Variants in SIAE observed in about 807,000 individuals in gnomAD.
SIAE encodes sialic acid acetylesterase.
Under a neutral mutation model 52.6 loss-of-function variants are expected in SIAE, and 39 were observed. That is an observed-to-expected ratio of 0.74 (90% CI 0.57 to 0.97). The LOEUF is 0.97. SIAE is among the 50% of genes least tolerant of loss of function. The pLI, the probability that SIAE is intolerant of heterozygous loss-of-function variation, is 0.00. For missense variants in SIAE, 592 were observed against 662.1 expected, an observed-to-expected ratio of 0.89 and a Z score of 1.16; for synonymous variants, 233 against 241.4, an observed-to-expected ratio of 0.97 and a Z score of 0.32.
At chr11:124,673,077 A>G (rs915275815) in intron 1 of SIAE, among the ~76,000 whole-genome samples, 1 of 152,136 alleles carries the variant, frequency 6.6e-6, no homozygotes, top group Non-Finnish European at 1.5e-5. Flanking sequence ...CCCACCACCA[A>G]TATCTGTAAG....
At chr11:124,660,839 T>C in intron 2 of SIAE, 36 bp from the exon 3 acceptor site, 1 of 1,609,118 alleles carries the variant, frequency 6.2e-7, no homozygotes, top group Non-Finnish European at 8.5e-7. Flanking sequence ...AATTAATCAA[T>C]CAATTAAAGT....
intron 3 of SIAE, 26 bp downstream of exon 3, chr11:124,660,602 A>G (rs765721181): frequency 6.2e-7 from 1 of 1,612,292 alleles, no homozygotes; most frequent in South Asian, 1.1e-5. Flanking sequence ...AACACTGTGT[A>G]TTATTGCTGA....
intron 3 of SIAE, among the ~76,000 whole-genome samples, chr11:124,654,994 T>C (rs923114710): frequency 6.6e-6 from 1 of 151,900 alleles, no homozygotes; most frequent in Non-Finnish European, 1.5e-5. Context: ...CCAAAGAGGG[T>C]AGAAATATAA....
intron 1 of SIAE, among the ~76,000 whole-genome samples, chr11:124,673,015 C>T (rs919983945): frequency 2.6e-5 from 4 of 152,160 alleles, no homozygotes; most frequent in Non-Finnish European, 5.9e-5. Context: ...AAGATCTGAC[C>T]TGCGCAACAG....
At chr11:124,649,070 G>A (rs949173068) in intron 5 of SIAE, among the ~76,000 whole-genome samples, 1 of 152,100 alleles carries the variant, frequency 6.6e-6, no homozygotes, top group Non-Finnish European at 1.5e-5. Flanking sequence ...TCCTAAGCAG[G>A]TGTTCATAAT....
At chr11:124,652,212 C>T (rs1378080791) in intron 4 of SIAE, among the ~76,000 whole-genome samples, 1 of 152,104 alleles carries the variant, frequency 6.6e-6, no homozygotes, top group Non-Finnish European at 1.5e-5. Flanking sequence ...AAGACGTCGA[C>T]ACACTCATCC....
At chr11:124,653,235 CT>C (rs1943042650) in intron 4 of SIAE, among the ~76,000 whole-genome samples, 1 of 152,178 alleles carries the variant, frequency 6.6e-6, no homozygotes, top group Admixed American at 6.5e-5. Flanking sequence ...GTCAGGTATT[CT>C]TGCCTGTTTT....
chr11:124,660,298 A>T (rs1943167160), intron 3 of SIAE: 1 of 140,348 alleles, frequency 7.1e-6, no homozygotes. Context: ...CTCAAAAAAG[A>T]AAAAAAAAAA....
In SIAE at chr11:124,636,938, C is replaced by T. The variant is rs768225164; in HGVS notation, c.*13G>A. 1.9e-6 allele frequency: 3 copies of T among 1,614,122 alleles called. No individual in the cohort carries two copies. Among genetic ancestry groups the T allele is most frequent in the Non-Finnish European group, 1.7e-6 (2 of 1,180,034 alleles). ...CCCATCCTTATATCTAAGTTCTGAT[C>T]ATACTGAAACAGTCATTTAGCAACA... On this transcript the variant is annotated 3_prime_UTR_variant, in exon 10 of 10. Coordinates refer to ENST00000263593, the MANE Select transcript of SIAE (RefSeq NM_170601.5).
rs1248790972 is a variant in SIAE, at chr11:124,634,701, C to T, written c.*2250G>A. On this transcript the variant is annotated 3_prime_UTR_variant, in exon 10 of 10. Coordinates refer to ENST00000263593, the MANE Select transcript of SIAE (RefSeq NM_170601.5). ...AAATTGGTTAAATAAAATGAGGCTT[C>T]CACAAACTGAAACACTCTAAATCTA... is the stretch of plus-strand genomic sequence containing the variant. The T allele has an allele frequency of 6.6e-6, 1 of 152,012 alleles. No individual in the cohort carries two copies. Among genetic ancestry groups the T allele is most frequent in the Non-Finnish European group, 1.5e-5 (1 of 68,004 alleles). The allele number at this position is 152,012 out of a possible 1,614,324, so 9.4% of individuals were successfully genotyped here. A position where few individuals can be genotyped will look rare whatever the true frequency, so the allele number is the denominator to read the frequency against.
chr11:124,647,326 G>A lies in SIAE; in HGVS notation c.966+39C>T, dbSNP rs142737112. 7,317 of 1,613,866 alleles carry A rather than the reference G, an allele frequency of 4.5e-3. 35 individuals carry two copies. The highest frequency in any genetic ancestry group is 0.029 in the Middle Eastern group (178 of 6,060). Reference sequence around the variant, plus strand: ...CCTCTTCCTCTCAACACAGGAACAGGTGTTGACATGAACAGAGAAGCCTTT... The same window carrying A: ...CCTCTTCCTCTCAACACAGGAACAGATGTTGACATGAACAGAGAAGCCTTT... On this transcript the variant is annotated intron_variant, in intron 7 of 9. Transcript: ENST00000263593.
chr11:124,651,641 A>G (rs746421475), intron 4 of SIAE, among the ~76,000 whole-genome samples: 9 of 152,202 alleles, frequency 5.9e-5, no homozygotes, highest in Non-Finnish European at 1.2e-4. Context: ...GAGTTTTAAC[A>G]CAAAGAAAGA....
chr11:124,661,487 A>C (rs1565416440), intron 2 of SIAE, among the ~76,000 whole-genome samples: 2 of 152,216 alleles, frequency 1.3e-5, no homozygotes, highest in East Asian at 3.8e-4. Flanking sequence ...TTTGGGACTC[A>C]ATTAGGGAAA....
chr11:124,665,260 A>C (rs990879362), intron 2 of SIAE, among the ~76,000 whole-genome samples: 1 of 152,240 alleles, frequency 6.6e-6, no homozygotes, highest in East Asian at 1.9e-4. Flanking sequence ...TTATATGGAA[A>C]AGATGGGATT....
At chr11:124,651,823 C>T (rs1943021477) in intron 4 of SIAE, among the ~76,000 whole-genome samples, 2 of 152,190 alleles carry the variant, frequency 1.3e-5, no homozygotes, top group South Asian at 2.1e-4. Flanking sequence ...ACCTGATTCA[C>T]GTCTGTATCC....
At chr11:124,642,687 AT>A in intron 7 of SIAE, among the ~76,000 whole-genome samples, 1 of 152,202 alleles carries the variant, frequency 6.6e-6, no homozygotes, top group Non-Finnish European at 1.5e-5. Flanking sequence ...CCAATAGGCT[AT>A]GGCAAAGGTA....
At chr11:124,638,820 C>T in intron 8 of SIAE, 83 bp from the exon 9 acceptor site, 1 of 1,085,874 alleles carries the variant, frequency 9.2e-7, no homozygotes, top group East Asian at 2.4e-5. Context: ...TTATACAAAG[C>T]ACCCTTTATG....
intron 2 of SIAE, among the ~76,000 whole-genome samples, chr11:124,665,750 C>A (rs1264281301): frequency 6.6e-6 from 1 of 150,754 alleles, no homozygotes. Context: ...ACCTGGCAGG[C>A]AAAGGTTGCA....
At position 124,633,536 on chromosome 11, in the gene SIAE, TTATAG is replaced by T. The variant is rs1942655688; in HGVS notation, c.*3410_*3414del. ...GGACAACACAAATGGGATTGGTACT[TTATAG>T]TAATAAATCTGACCAGCAGAGGGAG... On this transcript the variant is annotated 3_prime_UTR_variant, in exon 10 of 10. Transcript: ENST00000263593. The T allele has an allele frequency of 6.6e-6, 1 of 152,200 alleles. No homozygotes were observed. The highest frequency in any genetic ancestry group is 2.4e-5 in the African/African-American group (1 of 41,438). The allele number at this position is 152,200 out of a possible 1,614,324, so 9.4% of individuals were successfully genotyped here. A position where few individuals can be genotyped will look rare whatever the true frequency, so the allele number is the denominator to read the frequency against.
Sources: allele counts gnomAD v4.1 joint callset (sites outside exome capture counted in the v4.1 genomes callset), GRCh38; gene constraint gnomAD v4.1.1; transcripts MANE v1.5; gene names NCBI Gene and HGNC (gene_info 2026-07-23, HGNC 2026-07-21).